The following PKNOX2 variants were observed in gnomAD, a reference collection of about 807,000 sequenced individuals.
PKNOX2 encodes the protein PBX/knotted 1 homeobox 2, also known as homeobox protein PKNOX2.
In PKNOX2, 14 loss-of-function variants were observed where a neutral mutation model predicts 53.1. The observed-to-expected ratio is 0.26, with a 90% confidence interval of 0.17 to 0.41. The LOEUF (loss-of-function observed/expected upper bound fraction) is 0.41. Among genes scored for constraint, PKNOX2 ranks in the 10% least tolerant of loss-of-function variants. PKNOX2 has a pLI of 1.00. For missense variants in PKNOX2, 496 were observed against 602.8 expected, an observed-to-expected ratio of 0.82 and a Z score of 1.85; for synonymous variants, 257 against 242.8, an observed-to-expected ratio of 1.06 and a Z score of -0.54.
chr11:125,374,012 G>C (rs1327640186), intron 5 of PKNOX2, among the ~76,000 whole-genome samples: 2 of 152,104 alleles, frequency 1.3e-5, no homozygotes, highest in African/African-American at 4.8e-5. Flanking sequence ...AGGCTAGACA[G>C]ATAGGCTGGG....
chr11:125,207,466 G>C (rs933208957), intron 1 of PKNOX2, among the ~76,000 whole-genome samples: 1 of 151,992 alleles, frequency 6.6e-6, no homozygotes, highest in Admixed American at 6.5e-5. Flanking sequence ...GCAGAATCCA[G>C]AGGAAAACTG....
intron 2 of PKNOX2, among the ~76,000 whole-genome samples, chr11:125,268,256 C>T (rs2135775791): frequency 6.6e-6 from 1 of 152,364 alleles, no homozygotes; most frequent in East Asian, 1.9e-4. Context: ...CCCAATGTTC[C>T]CTTCCCCTTT....
In PKNOX2 at chr11:125,430,138, G is replaced by C; in HGVS notation, c.1189G>C (p.Asp397His). 1 of 1,613,794 alleles carries C rather than the reference G, an allele frequency of 6.2e-7. No homozygotes were observed. Among genetic ancestry groups the C allele is most frequent in the Non-Finnish European group, 8.5e-7 (1 of 1,179,814 alleles). The change falls in exon 12 of 13, where the codon GAT becomes CAT. Residue 397 changes from aspartate to histidine, a missense_variant. This residue lies in a region of PKNOX2 where 139 missense variants were observed against 161.3 expected (regional missense o/e 0.86). Transcript: ENST00000298282. ...QQGGAPGTNPDGSINLDNLQS... is the reference protein window; with the variant it reads ...QQGGAPGTNPHGSINLDNLQS... Reference sequence around the variant, plus strand: ...GGGCGGTGCCCCAGGGACAAACCCCGATGGTAAGAACTGGGGCTGAGTGCA... The same window carrying C: ...GGGCGGTGCCCCAGGGACAAACCCCCATGGTAAGAACTGGGGCTGAGTGCA...
chr11:125,346,177 C>A (rs1003488481), intron 3 of PKNOX2, among the ~76,000 whole-genome samples: 1 of 54,752 alleles, frequency 1.8e-5, no homozygotes, highest in Non-Finnish European at 3.4e-5. Flanking sequence ...TCAGAGGGGA[C>A]GGCTTGGGGG....
At chr11:125,364,397 T>G (rs1231141936) in intron 4 of PKNOX2, among the ~76,000 whole-genome samples, 1 of 152,228 alleles carries the variant, frequency 6.6e-6, no homozygotes, top group African/African-American at 2.4e-5. Flanking sequence ...CTTGGAACAC[T>G]GGCAAGTGAC....
chr11:125,262,868 T>C (rs1235684163), intron 2 of PKNOX2, among the ~76,000 whole-genome samples: 1 of 152,164 alleles, frequency 6.6e-6, no homozygotes, highest in Non-Finnish European at 1.5e-5. Flanking sequence ...TACCCTCCTT[T>C]TCCTCTCTGT....
chr11:125,354,122 T>A (rs1951467422), intron 4 of PKNOX2, among the ~76,000 whole-genome samples: 1 of 152,226 alleles, frequency 6.6e-6, no homozygotes, highest in Non-Finnish European at 1.5e-5. Context: ...AAACTTGCAT[T>A]GGACCCCTGA....
intron 5 of PKNOX2, among the ~76,000 whole-genome samples, chr11:125,374,663 C>T (rs576488343): frequency 1.1e-4 from 16 of 152,172 alleles, no homozygotes; most frequent in Admixed American, 4.6e-4. Flanking sequence ...GCTGCTTCCA[C>T]GGCTCACCTC....
At chr11:125,195,883 GCACACA>G (rs56021315) in intron 1 of PKNOX2, among the ~76,000 whole-genome samples, 34,243 of 143,742 alleles carry the variant, frequency 0.24, 4,491 homozygotes, top group Non-Finnish European at 0.32. Context: ...ATATGTACAT[GCACACA>G]CACACACACA....
intron 4 of PKNOX2, among the ~76,000 whole-genome samples, chr11:125,360,425 T>A (rs1042309811): frequency 1.3e-5 from 2 of 152,170 alleles, no homozygotes; most frequent in African/African-American, 4.8e-5. Flanking sequence ...CAATGCACCC[T>A]CACATATGGT....
chr11:125,334,925 T>C (rs1177628384), intron 3 of PKNOX2, among the ~76,000 whole-genome samples: 1 of 152,136 alleles, frequency 6.6e-6, no homozygotes, highest in Non-Finnish European at 1.5e-5. Flanking sequence ...CTTACCATCA[T>C]TGTCTTTCTG....
intron 3 of PKNOX2, among the ~76,000 whole-genome samples, chr11:125,350,535 G>A (rs1445206565): frequency 6.6e-6 from 1 of 152,182 alleles, no homozygotes; most frequent in Non-Finnish European, 1.5e-5. Context: ...CCACATTCCG[G>A]TGACCGTACT....
At chr11:125,171,390 C>T (rs191518175) in intron 1 of PKNOX2, among the ~76,000 whole-genome samples, 58 of 152,260 alleles carry the variant, frequency 3.8e-4, no homozygotes, top group African/African-American at 1.2e-3. Context: ...GTGGTGGGGG[C>T]GGTGTTGAGT....
intron 4 of PKNOX2, among the ~76,000 whole-genome samples, chr11:125,353,045 A>G (rs1951403238): frequency 6.6e-6 from 1 of 152,228 alleles, no homozygotes; most frequent in Admixed American, 6.5e-5. Context: ...CTTCTTTGAT[A>G]GCAGCAGACC....
At chr11:125,417,244 C>T (rs1955935986) in intron 10 of PKNOX2, among the ~76,000 whole-genome samples, 1 of 151,972 alleles carries the variant, frequency 6.6e-6, no homozygotes, top group Non-Finnish European at 1.5e-5. Flanking sequence ...TCCTGACCTG[C>T]CACGTGATTC....
At chr11:125,350,433 G>A (rs1464560119) in intron 3 of PKNOX2, among the ~76,000 whole-genome samples, 1 of 143,404 alleles carries the variant, frequency 7.0e-6, no homozygotes, top group African/African-American at 2.5e-5. Context: ...CCCAACCCCC[G>A]CCCTCCCATA....
rs1357567146 is a variant in PKNOX2 at position 125,374,907 on chromosome 11, A to T, written c.227+6922A>T. Reference sequence around the variant, plus strand: ...CTTACAAGAAGGAAGACAACCAGCAATTGGGCCTCCTGCTAGTGCAAATGA... The same window carrying T: ...CTTACAAGAAGGAAGACAACCAGCATTTGGGCCTCCTGCTAGTGCAAATGA... On this transcript the variant is annotated intron_variant, in intron 5 of 12. Coordinates refer to ENST00000298282, the MANE Select transcript of PKNOX2 (RefSeq NM_001382323.2). Among the ~76,000 whole-genome samples, 7 of 114,610 alleles carry T rather than the reference A, an allele frequency of 6.1e-5. No homozygotes were observed. The Admixed American group carries it at 9.4e-4, about 15-fold the overall frequency. The allele number at this position is 114,610 out of a possible 152,430, so 75.2% of individuals were successfully genotyped here.
rs3138544 is a variant in PKNOX2 at position 125,386,713 on chromosome 11, AACACACAC to A, written c.399+1024_399+1031del. Among the ~76,000 whole-genome samples the A allele has an allele frequency of 1.8e-3, 253 of 141,130 alleles. 2 individuals are homozygous for A. The highest frequency in any genetic ancestry group is 6.2e-3 in the African/African-American group (230 of 37,302). 92.6% of individuals were successfully genotyped at this position (141,130 alleles called of 152,430 possible). ...TGTGGTTCCAGAAAGGAAGAAAAAG[AACACACAC>A]ACACACACACACACACACACACACA... is the stretch of plus-strand genomic sequence containing the variant. On this transcript the variant is annotated intron_variant, in intron 6 of 12. Transcript: ENST00000298282.
intron 3 of PKNOX2, among the ~76,000 whole-genome samples, chr11:125,332,140 T>C (rs530214992): frequency 6.6e-6 from 1 of 152,320 alleles, no homozygotes; most frequent in South Asian, 2.1e-4. Context: ...TCTCTTTTCA[T>C]CTATTCTGTG....
Sources: allele counts gnomAD v4.1 joint callset (sites outside exome capture counted in the v4.1 genomes callset), GRCh38; gene constraint gnomAD v4.1.1; regional missense constraint gnomAD v4.1.1; transcripts MANE v1.5; gene names NCBI Gene and HGNC (gene_info 2026-07-23, HGNC 2026-07-21).